Variants in ZDHHC1 observed in about 807,000 individuals in gnomAD.
ZDHHC1 encodes the protein palmitoyltransferase ZDHHC1.
In ZDHHC1, 45 loss-of-function variants were observed where a neutral mutation model predicts 46.9. That is an observed-to-expected ratio of 0.96 (90% CI 0.76 to 1.23). The LOEUF (loss-of-function observed/expected upper bound fraction) is 1.23. ZDHHC1 is among the 50% of genes most tolerant of loss of function. The probability of loss-of-function intolerance (pLI) is 0.00; values close to 1 mark genes in which losing one functional copy is unlikely to be tolerated. For missense variants in ZDHHC1, 649 were observed against 670.8 expected (o/e 0.97, Z 0.36); for synonymous variants, 291 against 286.0 (o/e 1.02, Z -0.18).
intron 8 of ZDHHC1, among the ~76,000 whole-genome samples, chr16:67,397,427 C>T (rs1425111505): frequency 2.0e-5 from 3 of 152,198 alleles, no homozygotes; most frequent in African/African-American, 7.2e-5. Flanking sequence ...CCAGGCCTGC[C>T]CAGTCCTGGC....
In ZDHHC1 at chr16:67,401,010, G is replaced by C; in HGVS notation, c.375C>G (p.Ser125Arg). 6.2e-7 allele frequency: 1 copy of C among 1,614,128 alleles called. No individual in the cohort carries two copies. The highest frequency in any genetic ancestry group is 8.5e-7 in the Non-Finnish European group (1 of 1,180,032). The change falls in exon 4 of 12, where the codon AGC becomes AGG. Residue 125 changes from serine to arginine, a missense_variant. Coordinates refer to ENST00000565726, the MANE Select transcript of ZDHHC1 (RefSeq NM_001323627.2). The surrounding 1 kb of genome is among the most constrained non-coding windows in gnomAD (Gnocchi z 4.6). ...GGTCTTCAATGACATGTGCGTGCTGGCTTCGGTTGAAGATGGGCAGGGGCC... is the reference window on the plus strand; with the variant it reads ...GGTCTTCAATGACATGTGCGTGCTGCCTTCGGTTGAAGATGGGCAGGGGCC... ...YAGPLPIFNR[S>R]QHAHVIEDLH...
intron 1 of ZDHHC1, among the ~76,000 whole-genome samples, chr16:67,408,813 T>C (rs2142256844): frequency 6.6e-6 from 1 of 152,272 alleles, no homozygotes; most frequent in South Asian, 2.1e-4. Flanking sequence ...TCCCCAAAGA[T>C]AGCAAATCTT....
chr16:67,413,195 T>C (rs1490832818), intron 1 of ZDHHC1, among the ~76,000 whole-genome samples: 1 of 152,146 alleles, frequency 6.6e-6, no homozygotes, highest in Non-Finnish European at 1.5e-5. Flanking sequence ...GCCTCCCACC[T>C]TGGCCTCCCA....
In ZDHHC1 at chr16:67,398,344, G is replaced by A. The variant is rs1224687366; in HGVS notation, c.815-20C>T. ...GCCACACTGGTGGGGGGAGGAGAGGGCTCAGTGCGGTGGAAGGGGGACTCT... is the reference window on the plus strand; with the variant it reads ...GCCACACTGGTGGGGGGAGGAGAGGACTCAGTGCGGTGGAAGGGGGACTCT... On this transcript the variant is annotated intron_variant, in intron 7 of 11. Coordinates refer to ENST00000565726, the MANE Select transcript of ZDHHC1 (RefSeq NM_001323627.2). The A allele has an allele frequency of 6.2e-7, 1 of 1,606,786 alleles. No homozygotes were observed.
rs567077686 is a variant in ZDHHC1, at chr16:67,395,638, C to T, written c.928-72G>A. ...CCGAGCCTGCTGAGCCCTAAGCCCA[C>T]GCAGTCCTGCCCTCATTGGCCTCTG... On this transcript the variant is annotated intron_variant, in intron 8 of 11. Coordinates refer to ENST00000565726, the MANE Select transcript of ZDHHC1 (RefSeq NM_001323627.2). 110 of 1,436,026 alleles carry T rather than the reference C, an allele frequency of 7.7e-5. 1 individual carries two copies. In the African/African-American group the frequency reaches 9.2e-4, roughly 12 times the overall value. The allele number at this position is 1,436,026 out of a possible 1,614,324, so 89.0% of individuals were successfully genotyped here.
At chr16:67,398,546 C>G in intron 7 of ZDHHC1, 27 bp downstream of exon 7, 1 of 1,577,070 alleles carries the variant, frequency 6.3e-7, no homozygotes, top group Non-Finnish European at 8.6e-7. Context: ...CCCTGCGTTC[C>G]AGAAGGCAGG....
At chr16:67,395,615 G>A (rs761928638) in intron 8 of ZDHHC1, 49 bp from the exon 9 acceptor site, 12 of 1,519,514 alleles carry the variant, frequency 7.9e-6, no homozygotes, top group Admixed American at 3.9e-5. Flanking sequence ...TGTGGCTCCC[G>A]AGCCTGCTGA....
intron 8 of ZDHHC1, 54 bp from the exon 9 acceptor site, chr16:67,395,620 T>G: frequency 6.6e-7 from 1 of 1,522,716 alleles, no homozygotes; most frequent in Non-Finnish European, 8.9e-7. Context: ...CTCCCGAGCC[T>G]GCTGAGCCCT....
chr16:67,396,984 C>T (rs1433625903), intron 8 of ZDHHC1, among the ~76,000 whole-genome samples: 2 of 152,302 alleles, frequency 1.3e-5, no homozygotes, highest in South Asian at 2.1e-4. Flanking sequence ...TGTCCTCTCT[C>T]GCCATGGCTG....
chr16:67,412,038 G>A (rs1040203742), intron 1 of ZDHHC1, among the ~76,000 whole-genome samples: 11 of 151,990 alleles, frequency 7.2e-5, no homozygotes, highest in Non-Finnish European at 1.5e-4. Flanking sequence ...GCTTGAACCC[G>A]GGAGGCAGAG....
chr16:67,411,312 G>C (rs1024885017), intron 1 of ZDHHC1, among the ~76,000 whole-genome samples: 5 of 152,190 alleles, frequency 3.3e-5, no homozygotes, highest in African/African-American at 1.2e-4. Flanking sequence ...AGGAGAAAGC[G>C]ACGGGGTTGA....
At position 67,406,294 on chromosome 16, in the gene ZDHHC1, A is replaced by G. The variant is rs149894745; in HGVS notation, c.158T>C (p.Ile53Thr). 3.1e-6 allele frequency: 5 copies of G among 1,609,130 alleles called. No homozygotes were observed. The highest frequency in any genetic ancestry group is 1.7e-5 in the Admixed American group (1 of 59,302). Reference sequence around the variant, plus strand: ...GAAGAGGTACAGCAGCCAGGCCACAATCTGGAGCGGGTGAGGGGGCCAGCT... The same window carrying G: ...GAAGAGGTACAGCAGCCAGGCCACAGTCTGGAGCGGGTGAGGGGGCCAGCT... ...GWSWPPHPLQ[I>T]VAWLLYLFFA... Residue 53 changes from isoleucine (I) to threonine (T), a missense_variant, in exon 3 of 12, where the codon ATT becomes ACT. Physicochemically the swap from Ile to Thr is moderately conservative, Grantham distance 89. Transcript: ENST00000565726. This position sits in a 1 kb window ranked among gnomAD's most constrained non-coding sequence, Gnocchi z 4.1.
At chr16:67,399,590 G>GGA in intron 4 of ZDHHC1, 134 bp from the exon 5 acceptor site, 1 of 670,236 alleles carries the variant, frequency 1.5e-6, no homozygotes. Flanking sequence ...GAGGCGACGA[G>GGA]GAGCGCGCGC....
chr16:67,394,496 C>A lies in ZDHHC1; in HGVS notation c.*114G>T, dbSNP rs1048546385. On this transcript the variant is annotated 3_prime_UTR_variant, in exon 12 of 12. Transcript: ENST00000565726. Reference sequence around the variant, plus strand: ...ATTGCTGAGTCGTGGGGGAGGGAGGCCGATCCCGCCGGCCGTAGGGGCCCC... The same window carrying A: ...ATTGCTGAGTCGTGGGGGAGGGAGGACGATCCCGCCGGCCGTAGGGGCCCC... The A allele has an allele frequency of 1.1e-6, 1 of 942,274 alleles. No individual in the cohort carries two copies. Among genetic ancestry groups the A allele is most frequent in the Non-Finnish European group, 1.3e-6 (1 of 758,234 alleles). The allele number at this position is 942,274 out of a possible 1,614,324, so 58.4% of individuals were successfully genotyped here. A position where few individuals can be genotyped will look rare whatever the true frequency, so the allele number is the denominator to read the frequency against.
chr16:67,405,289 C>G (rs1323452687), intron 3 of ZDHHC1, among the ~76,000 whole-genome samples: 1 of 152,186 alleles, frequency 6.6e-6, no homozygotes, highest in Non-Finnish European at 1.5e-5. Context: ...AGGAGCCTTC[C>G]CATCAGACAG....
intron 3 of ZDHHC1, among the ~76,000 whole-genome samples, chr16:67,402,770 G>T (rs1467907087): frequency 6.6e-6 from 1 of 152,174 alleles, no homozygotes; most frequent in African/African-American, 2.4e-5. Context: ...GGGACTACAG[G>T]TGTTCGCCAC....
At chr16:67,415,606 A>C (rs2040820933) in intron 1 of ZDHHC1, among the ~76,000 whole-genome samples, 1 of 151,818 alleles carries the variant, frequency 6.6e-6, no homozygotes, top group Admixed American at 6.6e-5. Context: ...AAAATATAAA[A>C]CTTAGCCGGG....
At position 67,394,463 on chromosome 16, in the gene ZDHHC1, G is replaced by T; in HGVS notation, c.*147C>A. ...GTTTATTGGAGCATCACAGCCGGTGGGGCGGGTATTGCTGAGTCGTGGGGG... is the reference window on the plus strand; with the variant it reads ...GTTTATTGGAGCATCACAGCCGGTGTGGCGGGTATTGCTGAGTCGTGGGGG... On this transcript the variant is annotated 3_prime_UTR_variant, in exon 12 of 12. Transcript: ENST00000565726. 2 of 587,884 alleles carry T rather than the reference G, an allele frequency of 3.4e-6. No homozygotes were observed. Among genetic ancestry groups the T allele is most frequent in the South Asian group, 8.0e-5 (1 of 12,426 alleles). 36.4% of individuals were successfully genotyped at this position (587,884 alleles called of 1,614,324 possible). A position where few individuals can be genotyped will look rare whatever the true frequency, so the allele number is the denominator to read the frequency against.
Position 67,401,274 on chromosome 16 carries a change from C to A in ZDHHC1, c.253-142G>T. 1 of 1,169,906 alleles carries A rather than the reference C, an allele frequency of 8.5e-7. No homozygotes were observed. The highest frequency in any genetic ancestry group is 2.6e-5 in the East Asian group (1 of 39,006). The allele number at this position is 1,169,906 out of a possible 1,614,324, so 72.5% of individuals were successfully genotyped here. ...TCTGCCACCTCCTACCTCCAGTCCC[C>A]CAAAGCCTCCTCATCAGACCTCTCC... On this transcript the variant is annotated intron_variant, in intron 3 of 11. Transcript: ENST00000565726. This position sits in a 1 kb window ranked among gnomAD's most constrained non-coding sequence, Gnocchi z 4.6.
Sources: gnomAD v4.1 joint callset for allele counts (sites outside exome capture counted in the v4.1 genomes callset) on GRCh38, gnomAD v4.1.1 for gene constraint, Gnocchi (gnomAD v3.1) non-coding constraint, MANE v1.5 for transcripts, NCBI Gene and HGNC (gene_info 2026-07-23, HGNC 2026-07-21) for gene names.